Variants in PDCL2 observed in about 807,000 individuals in gnomAD.
PDCL2 encodes the protein phosducin like 2.
In PDCL2, 23 loss-of-function variants were observed where a neutral mutation model predicts 30.3. That is an observed-to-expected ratio of 0.76 (90% confidence interval 0.55 to 1.08). The LOEUF is 1.08. Among genes scored for constraint, PDCL2 ranks in the 50% least tolerant of loss-of-function variants. The probability of loss-of-function intolerance (pLI) is 0.00; values close to 1 mark genes in which losing one functional copy is unlikely to be tolerated. For synonymous variants in PDCL2, 68 were observed against 86.2 expected (o/e 0.79, Z 1.17); for missense variants, 243 against 282.3 (o/e 0.86, Z 1.00).
chr4:55,567,923 T>C (rs1732315580), intron 4 of PDCL2, among the ~76,000 whole-genome samples: 2 of 152,162 alleles, frequency 1.3e-5, no homozygotes, highest in African/African-American at 4.8e-5. Flanking sequence ...GTCAACACAT[T>C]CTTTTAAGGA....
chr4:55,588,777 A>C (rs1732926601), intron 1 of PDCL2, among the ~76,000 whole-genome samples: 1 of 152,186 alleles, frequency 6.6e-6, no homozygotes, highest in Non-Finnish European at 1.5e-5. Flanking sequence ...CTCTTGTTAA[A>C]AATTTTTTGA....
At chr4:55,557,536 A>G (rs912122954) in intron 5 of PDCL2, among the ~76,000 whole-genome samples, 1 of 152,008 alleles carries the variant, frequency 6.6e-6, no homozygotes, top group Admixed American at 6.6e-5. Flanking sequence ...AGACCTCATG[A>G]CCTAATCACC....
chr4:55,580,773 T>C, intron 3 of PDCL2, 48 bp downstream of exon 3: 1 of 1,346,510 alleles, frequency 7.4e-7, no homozygotes, highest in African/African-American at 1.5e-5. Context: ...TTTATTCTTA[T>C]TATACTTCAT....
At chr4:55,566,638 G>A (rs1732277236) in intron 4 of PDCL2, among the ~76,000 whole-genome samples, 2 of 151,724 alleles carry the variant, frequency 1.3e-5, no homozygotes, top group African/African-American at 4.8e-5. Flanking sequence ...ATGCTGGCCA[G>A]GCTGGTCTTG....
chr4:55,571,549 T>C (rs1169662938), intron 3 of PDCL2, among the ~76,000 whole-genome samples: 4 of 101,704 alleles, frequency 3.9e-5, no homozygotes, highest in Admixed American at 1.1e-4. Flanking sequence ...TAGCCGGGCA[T>C]GGTGGCGGGC....
At chr4:55,584,458 T>C (rs1016325942) in intron 1 of PDCL2, among the ~76,000 whole-genome samples, 1 of 152,124 alleles carries the variant, frequency 6.6e-6, no homozygotes, top group African/African-American at 2.4e-5. Context: ...GGTTTCACCA[T>C]GTTGGCCAGG....
chr4:55,588,931 C>T (rs1259674119), intron 1 of PDCL2, among the ~76,000 whole-genome samples: 5 of 151,002 alleles, frequency 3.3e-5, no homozygotes, highest in African/African-American at 1.2e-4. Context: ...GATCTGGGCT[C>T]ACTGCAAGCT....
At chr4:55,590,589 C>T (rs1031134543) in intron 1 of PDCL2, among the ~76,000 whole-genome samples, 2 of 151,710 alleles carry the variant, frequency 1.3e-5, no homozygotes, top group African/African-American at 4.8e-5. Context: ...TGGGTTCAAG[C>T]GATTCTCCTG....
intron 3 of PDCL2, among the ~76,000 whole-genome samples, chr4:55,571,246 T>C (rs1217893216): frequency 6.6e-6 from 1 of 152,110 alleles, no homozygotes; most frequent in Non-Finnish European, 1.5e-5. Context: ...TTCTGACTTC[T>C]GATCAATTCA....
intron 4 of PDCL2, 55 bp from the exon 5 acceptor site, chr4:55,562,667 C>A: frequency 2.5e-6 from 3 of 1,206,206 alleles, no homozygotes; most frequent in Admixed American, 3.2e-5. Context: ...TCATCTCAGT[C>A]TAATGAAATA....
chr4:55,574,448 G>A (rs1341588520), intron 3 of PDCL2, among the ~76,000 whole-genome samples: 4 of 152,102 alleles, frequency 2.6e-5, no homozygotes, highest in African/African-American at 7.2e-5. Flanking sequence ...AATGTCCCAC[G>A]TGACCTTTCA....
intron 3 of PDCL2, among the ~76,000 whole-genome samples, chr4:55,577,849 G>GTATATTTTGTTCCTT (rs1732609721): frequency 6.6e-6 from 1 of 152,092 alleles, no homozygotes; most frequent in African/African-American, 2.4e-5. Context: ...TTTTCTGTCA[G>GTATATTTTGTTCCTT]TATATTTTGT....
At chr4:55,578,312 C>T (rs1224082379) in intron 3 of PDCL2, among the ~76,000 whole-genome samples, 1 of 152,052 alleles carries the variant, frequency 6.6e-6, no homozygotes, top group African/African-American at 2.4e-5. Flanking sequence ...TATTGTCCAC[C>T]CTGGCTCCAG....
At chr4:55,580,191 A>C (rs1732675979) in intron 3 of PDCL2, among the ~76,000 whole-genome samples, 1 of 152,132 alleles carries the variant, frequency 6.6e-6, no homozygotes, top group Non-Finnish European at 1.5e-5. Context: ...CCTGCAATCA[A>C]TACTACTTGA....
intron 3 of PDCL2, among the ~76,000 whole-genome samples, chr4:55,575,356 A>G (rs1732536712): frequency 6.6e-6 from 1 of 152,136 alleles, no homozygotes; most frequent in Admixed American, 6.5e-5. Context: ...GACAACTGCA[A>G]TGATCAAATC....
At chr4:55,573,727 G>T (rs1732490168) in intron 3 of PDCL2, among the ~76,000 whole-genome samples, 1 of 150,840 alleles carries the variant, frequency 6.6e-6, no homozygotes. Flanking sequence ...CTCCAGCTGG[G>T]GCAACAGAGC....
chr4:55,558,159 A>T (rs905225177), intron 5 of PDCL2, among the ~76,000 whole-genome samples: 4 of 151,588 alleles, frequency 2.6e-5, no homozygotes, highest in African/African-American at 9.7e-5. Flanking sequence ...GTGAAATTTT[A>T]ATAAATGGTG....
chr4:55,576,829 A>G (rs1368450964), intron 3 of PDCL2, among the ~76,000 whole-genome samples: 1 of 152,166 alleles, frequency 6.6e-6, no homozygotes, highest in African/African-American at 2.4e-5. Flanking sequence ...TTAAATTAAT[A>G]TGATTAATCT....
chr4:55,569,910 A>G (rs928657331), intron 3 of PDCL2, 49 bp from the exon 4 acceptor site: 2 of 1,319,022 alleles, frequency 1.5e-6, no homozygotes, highest in Admixed American at 2.6e-5. Flanking sequence ...TCATATTCTT[A>G]AGGTCATTCT....
Sources: allele counts gnomAD v4.1 joint callset (sites outside exome capture counted in the v4.1 genomes callset), GRCh38; gene constraint gnomAD v4.1.1; transcripts MANE v1.5; gene names NCBI Gene and HGNC (gene_info 2026-07-23, HGNC 2026-07-21).